The following UNK variants were observed in gnomAD, a reference collection of about 807,000 sequenced individuals.
The protein encoded by UNK is RING finger protein unkempt homolog.
UNK carries 32 observed loss-of-function variants against 97.6 expected under a neutral mutation model. The observed-to-expected ratio is 0.33, with a 90% CI of 0.25 to 0.44. The LOEUF (loss-of-function observed/expected upper bound fraction) is 0.44. Among genes scored for constraint, UNK ranks in the 20% least tolerant of loss-of-function variants. UNK has a pLI of 1.00. For missense variants in UNK, 771 were observed against 1,098.4 expected, an observed-to-expected ratio of 0.70 and a Z score of 4.21; for synonymous variants, 441 against 461.2, an observed-to-expected ratio of 0.96 and a Z score of 0.56.
chr17:75,806,576 A>C (rs1269119601), intron 1 of UNK, among the ~76,000 whole-genome samples: 1 of 152,118 alleles, frequency 6.6e-6, no homozygotes, highest in African/African-American at 2.4e-5. Flanking sequence ...GTTCGAGACC[A>C]GCCTGGCCAA....
intron 14 of UNK, 148 bp from the exon 15 acceptor site, chr17:75,823,117 G>A: frequency 1.5e-6 from 2 of 1,301,496 alleles, no homozygotes; most frequent in Non-Finnish European, 2.1e-6. Flanking sequence ...TGTGCAGACA[G>A]CATCAGCCTC....
chr17:75,797,702 G>T (rs2061819391), intron 1 of UNK, among the ~76,000 whole-genome samples: 1 of 152,194 alleles, frequency 6.6e-6, no homozygotes, highest in Non-Finnish European at 1.5e-5. Flanking sequence ...AGAGCAGCAG[G>T]AGCTGCAGGA....
chr17:75,785,089 C>A (rs114424860), intron 1 of UNK, 105 bp downstream of exon 1: 7 of 735,194 alleles, frequency 9.5e-6, no homozygotes, highest in South Asian at 2.1e-5. Flanking sequence ...TCCTCCCCCC[C>A]TTCCTCCTCC....
In UNK at chr17:75,809,864, G is replaced by A. The variant is rs201905047; in HGVS notation, c.209G>A (p.Arg70Gln). Reference sequence around the variant, plus strand: ...TTCCACTGGCACTTCGTGAACCAGCGGCGCCGCCGGTCCATCCGCCGTCGG... The same window carrying A: ...TTCCACTGGCACTTCGTGAACCAGCAGCGCCGCCGGTCCATCCGCCGTCGG... ...TCFHWHFVNQ[R>Q]RRRSIRRRDG... Residue 70 changes from arginine (R) to glutamine (Q), a missense_variant, in exon 2 of 16, where the codon CGG becomes CAG. Around this residue, in one of 5 missense-constraint regions of UNK, gnomAD observed 246 missense variants for 440.7 expected, o/e 0.56. Transcript: ENST00000589666. The A allele has an allele frequency of 5.0e-6, 8 of 1,613,790 alleles. No homozygotes were observed. The highest frequency in any genetic ancestry group is 6.8e-6 in the Non-Finnish European group (8 of 1,179,894).
chr17:75,821,694 C>CAT (rs1390745350), intron 13 of UNK: 4 of 456,648 alleles, frequency 8.8e-6, no homozygotes, highest in Admixed American at 2.3e-5. Flanking sequence ...CCAGAAAGTA[C>CAT]ATATGGGCAG....
At chr17:75,812,732 G>A (rs1252312280) in intron 4 of UNK, 147 bp downstream of exon 4, 18 of 1,263,286 alleles carry the variant, frequency 1.4e-5, no homozygotes, top group Middle Eastern at 2.7e-4. Context: ...TTCAAAAGGC[G>A]CCTCTAGGGG....
Position 75,812,092 on chromosome 17 carries a change from C to T in UNK, c.315-20C>T. Reference sequence around the variant, plus strand: ...GGCTGCAGGCAGCAAAGTTGAGTGACCCCCACTACCGTGTTCCAGGTGCCC... The same window carrying T: ...GGCTGCAGGCAGCAAAGTTGAGTGATCCCCACTACCGTGTTCCAGGTGCCC... On this transcript the variant is annotated intron_variant, in intron 2 of 15. Transcript: ENST00000589666. 1 of 1,569,202 alleles carries T rather than the reference C, an allele frequency of 6.4e-7. No homozygotes were observed. The highest frequency in any genetic ancestry group is 1.2e-5 in the South Asian group (1 of 85,428).
In UNK at chr17:75,786,552, A is replaced by G. The variant is rs2061712913; in HGVS notation, c.104+1568A>G. Among the ~76,000 whole-genome samples the G allele has an allele frequency of 9.2e-5, 14 of 152,264 alleles. No individual in the cohort carries two copies. The South Asian group carries it at 2.9e-3, about 32-fold the overall frequency. ...CTGAGTCTTTGTCCTCTTGATGCTC[A>G]TTTGTTTAAAACCTGTCTTTCCTGC... On this transcript the variant is annotated intron_variant, in intron 1 of 15. Coordinates refer to ENST00000589666, the MANE Select transcript of UNK (RefSeq NM_001080419.3).
chr17:75,813,977 C>A, intron 6 of UNK, 99 bp downstream of exon 6: 1 of 1,089,770 alleles, frequency 9.2e-7, no homozygotes, highest in Non-Finnish European at 1.3e-6. Flanking sequence ...TGATGCCATC[C>A]TGGAAGAGGG....
rs544890036 is a variant in UNK at position 75,824,395 on chromosome 17, G to A, written c.2411G>A (p.Arg804Gln). Residue 804 changes from arginine (R) to glutamine (Q), a missense_variant, in exon 16 of 16, where the codon CGG (arginine) becomes CAG (glutamine). Transcript: ENST00000589666. The surrounding 1 kb of genome is among the most constrained non-coding windows in gnomAD (Gnocchi z 4.9). ...GSECPICQPG[R>Q]AHTLQS ...GAGTGCCCCATCTGCCAGCCTGGCC[G>A]GGCCCACACCCTCCAGTCGTGACCC... 71 of 1,558,442 alleles carry A rather than the reference G, an allele frequency of 4.6e-5. No homozygotes were observed. The South Asian group carries it at 6.5e-4, about 14-fold the overall frequency.
intron 1 of UNK, among the ~76,000 whole-genome samples, chr17:75,805,985 GCCTGTAAT>G (rs1383047055): frequency 6.6e-6 from 1 of 151,744 alleles, no homozygotes; most frequent in Admixed American, 6.6e-5. Flanking sequence ...GGTGGCTCAC[GCCTGTAAT>G]CCTAGCACTT....
At chr17:75,805,256 T>C (rs1339203216) in intron 1 of UNK, among the ~76,000 whole-genome samples, 1 of 149,400 alleles carries the variant, frequency 6.7e-6, no homozygotes, top group East Asian at 2.0e-4. Context: ...AATACAAAAA[T>C]TAGCTGGGCA....
Position 75,813,896 on chromosome 17 carries a change from G to T in UNK, c.876+18G>T. On this transcript the variant is annotated intron_variant, in intron 6 of 15. Transcript: ENST00000589666. ...ACCCCGAGGTGGGCCCCACAGCAGG[G>T]TGGGGGGGTGGCTTTGGGAAGTAAG... The T allele has an allele frequency of 6.5e-7, 1 of 1,550,300 alleles. No homozygotes were observed. Among genetic ancestry groups the T allele is most frequent in the Non-Finnish European group, 8.7e-7 (1 of 1,147,182 alleles).
At chr17:75,787,452 G>T (rs2061723027) in intron 1 of UNK, among the ~76,000 whole-genome samples, 1 of 151,070 alleles carries the variant, frequency 6.6e-6, no homozygotes, top group Admixed American at 6.6e-5. Context: ...GCAGGCGCAA[G>T]CAATCTACTG....
At position 75,816,471 on chromosome 17, in the gene UNK, T is replaced by C. The variant is rs1168641529; in HGVS notation, c.962-299T>C. ...TTCAAGACCCAGCTCCTCTGTGTTT[T>C]AGCTCTGTCACTTTGGTGGGTTTAC... On this transcript the variant is annotated intron_variant, in intron 7 of 15. Coordinates refer to ENST00000589666, the MANE Select transcript of UNK (RefSeq NM_001080419.3). The surrounding 1 kb of genome is among the most constrained non-coding windows in gnomAD (Gnocchi z 4.0). Among the ~76,000 whole-genome samples, 3 of 152,234 alleles carry C rather than the reference T, an allele frequency of 2.0e-5. No individual in the cohort carries two copies. Among genetic ancestry groups the C allele is most frequent in the Non-Finnish European group, 4.4e-5 (3 of 68,034 alleles).
intron 1 of UNK, among the ~76,000 whole-genome samples, chr17:75,787,440 G>A (rs745433471): frequency 2.0e-5 from 3 of 151,314 alleles, no homozygotes; most frequent in Non-Finnish European, 2.9e-5. Context: ...TCCTGTGATC[G>A]AGCAGGCGCA....
chr17:75,807,338 G>C lies in UNK; in HGVS notation c.105-2422G>C, dbSNP rs114774446. ...AGAGTTTGAGGCTGTGGTATGCCAT[G>C]ATTGAGCCTGTGAACAGCCACTGCA... is the stretch of plus-strand genomic sequence containing the variant. On this transcript the variant is annotated intron_variant, in intron 1 of 15. Coordinates refer to ENST00000589666, the MANE Select transcript of UNK (RefSeq NM_001080419.3). Among the ~76,000 whole-genome samples the C allele has an allele frequency of 7.2e-3, 1,097 of 152,290 alleles. 14 individuals carry two copies. Among genetic ancestry groups the C allele is most frequent in the African/African-American group, 0.026 (1,068 of 41,542 alleles).
In UNK at chr17:75,818,961, T is replaced by C; in HGVS notation, c.1546+145T>C. 1.0e-6 allele frequency: 1 copy of C among 996,036 alleles called. No homozygotes were observed. Among genetic ancestry groups the C allele is most frequent in the South Asian group, 1.9e-5 (1 of 52,208 alleles). The allele number at this position is 996,036 out of a possible 1,614,324, so 61.7% of individuals were successfully genotyped here. ...TCAGGGGATGGGCACTCTGAGTCCT[T>C]TGAGCTAAAGGGGAAATGACCCCAA... On this transcript the variant is annotated intron_variant, in intron 11 of 15. Transcript: ENST00000589666. This position sits in a 1 kb window ranked among gnomAD's most constrained non-coding sequence, Gnocchi z 5.1.
At position 75,817,301 on chromosome 17, in the gene UNK, C is replaced by T. The variant is rs572667499; in HGVS notation, c.1105-25C>T. ...CCAGCCTGCGCTGTGCCCACGGGCCCACTCCCTCCCCTCCTTCTCCGCAGC... is the reference window on the plus strand; with the variant it reads ...CCAGCCTGCGCTGTGCCCACGGGCCTACTCCCTCCCCTCCTTCTCCGCAGC... On this transcript the variant is annotated intron_variant, in intron 8 of 15. Transcript: ENST00000589666. This position sits in a 1 kb window ranked among gnomAD's most constrained non-coding sequence, Gnocchi z 5.8. 2 of 1,543,816 alleles carry T rather than the reference C, an allele frequency of 1.3e-6. No individual in the cohort carries two copies. The highest frequency in any genetic ancestry group is 2.3e-5 in the East Asian group (1 of 43,998).
Sources: allele counts gnomAD v4.1 joint callset (sites outside exome capture counted in the v4.1 genomes callset), GRCh38; gene constraint gnomAD v4.1.1; regional missense constraint gnomAD v4.1.1; non-coding constraint Gnocchi (gnomAD v3.1); transcripts MANE v1.5; gene names NCBI Gene and HGNC (gene_info 2026-07-23, HGNC 2026-07-21).